The following GIPC2 variants were observed in gnomAD, a reference collection of about 807,000 sequenced individuals.
The protein encoded by GIPC2 is GIPC PDZ domain containing family member 2, also known as PDZ domain-containing protein GIPC2.
GIPC2 carries 30 observed loss-of-function variants against 30.6 expected under a neutral mutation model. The observed-to-expected ratio is 0.98, with a 90% confidence interval of 0.73 to 1.33. The LOEUF (loss-of-function observed/expected upper bound fraction) is 1.33, where lower values mean the gene tolerates loss of function less well. Among genes scored for constraint, GIPC2 ranks in the 40% most tolerant of loss-of-function variants. The pLI, the probability that GIPC2 is intolerant of heterozygous loss-of-function variation, is 0.00. For missense variants in GIPC2, 414 were observed against 390.3 expected (o/e 1.06, Z -0.51); for synonymous variants, 167 against 150.0 (o/e 1.11, Z -0.83).
intron 5 of GIPC2, among the ~76,000 whole-genome samples, chr1:78,133,267 A>G (rs888928851): frequency 6.6e-6 from 1 of 152,230 alleles, no homozygotes; most frequent in Non-Finnish European, 1.5e-5. Flanking sequence ...AAAAATACAC[A>G]GAAAAATAAA....
At chr1:78,079,590 TGTG>T (rs1661788082) in intron 1 of GIPC2, among the ~76,000 whole-genome samples, 3 of 152,204 alleles carry the variant, frequency 2.0e-5, no homozygotes, top group Non-Finnish European at 4.4e-5. Context: ...TTGCAATGCC[TGTG>T]GTGGACATTA....
At chr1:78,124,379 A>G (rs776268744) in intron 4 of GIPC2, among the ~76,000 whole-genome samples, 9 of 152,216 alleles carry the variant, frequency 5.9e-5, no homozygotes, top group Non-Finnish European at 1.0e-4. Flanking sequence ...TATAATCTAT[A>G]CAATATATTA....
chr1:78,122,780 A>C (rs79616077), intron 4 of GIPC2, among the ~76,000 whole-genome samples: 5,045 of 152,292 alleles, frequency 0.033, 211 homozygotes, highest in African/African-American at 0.098. Context: ...GTGCTTGCTG[A>C]GACAGGCACA....
At chr1:78,050,530 T>C (rs1300888696) in intron 1 of GIPC2, among the ~76,000 whole-genome samples, 1 of 151,044 alleles carries the variant, frequency 6.6e-6, no homozygotes, top group African/African-American at 2.4e-5. Context: ...AACAATTCAG[T>C]AAAAAGAAAA....
chr1:78,061,841 TC>T (rs1391618513), intron 1 of GIPC2, among the ~76,000 whole-genome samples: 1 of 152,210 alleles, frequency 6.6e-6, no homozygotes, highest in African/African-American at 2.4e-5. Flanking sequence ...GGTCTTGAAC[TC>T]CTGACCTCAG....
At chr1:78,130,083 C>A (rs1308765601) in intron 5 of GIPC2, among the ~76,000 whole-genome samples, 1 of 146,222 alleles carries the variant, frequency 6.8e-6, no homozygotes, top group Non-Finnish European at 1.5e-5. Flanking sequence ...AATTACATTT[C>A]TTCCTTTCTT....
At chr1:78,078,043 C>A (rs955091722) in intron 1 of GIPC2, among the ~76,000 whole-genome samples, 3 of 151,084 alleles carry the variant, frequency 2.0e-5, no homozygotes, top group Non-Finnish European at 2.9e-5. Context: ...AAAAAATTAG[C>A]CGGGCGTAGT....
At position 78,103,428 on chromosome 1, in the gene GIPC2, G is replaced by A. The variant is rs182798963; in HGVS notation, c.607+8296G>A. ...TATTTTGAGGATGAAATGAGTTAAT[G>A]TATGTATGTGCTTAGAACAGTGTTA... is the stretch of plus-strand genomic sequence containing the variant. On this transcript the variant is annotated intron_variant, in intron 3 of 5. Coordinates refer to ENST00000370759, the MANE Select transcript of GIPC2 (RefSeq NM_017655.6). 2.1e-3 allele frequency among the ~76,000 whole-genome samples: 314 copies of A among 152,282 alleles called. 4 individuals carry two copies. The highest frequency in any genetic ancestry group is 6.8e-3 in the African/African-American group (281 of 41,562).
At chr1:78,087,858 A>G (rs889839140) in intron 2 of GIPC2, among the ~76,000 whole-genome samples, 1 of 152,116 alleles carries the variant, frequency 6.6e-6, no homozygotes, top group Non-Finnish European at 1.5e-5. Flanking sequence ...TTTGCAAACT[A>G]TGTATCTGAT....
rs770688364 is a variant in GIPC2 at position 78,119,505 on chromosome 1, T to G, written c.714+6T>G. On this transcript the variant is annotated splice_donor_region_variant and intron_variant, in intron 4 of 5. Transcript: ENST00000370759. ...CTGCCACCGTGGAAGAAATGGTATGTTATGTTCATTTACTTCCTGTTCTGC... is the reference window on the plus strand; with the variant it reads ...CTGCCACCGTGGAAGAAATGGTATGGTATGTTCATTTACTTCCTGTTCTGC... The G allele has an allele frequency of 3.1e-5, 47 of 1,508,226 alleles. No homozygotes were observed. In the Admixed American group the frequency reaches 6.9e-4, roughly 22 times the overall value. The allele number at this position is 1,508,226 out of a possible 1,614,324, so 93.4% of individuals were successfully genotyped here. A position where few individuals can be genotyped will look rare whatever the true frequency, so the allele number is the denominator to read the frequency against.
chr1:78,113,070 C>T, intron 3 of GIPC2, among the ~76,000 whole-genome samples: 1 of 152,020 alleles, frequency 6.6e-6, no homozygotes, highest in Admixed American at 6.5e-5. Flanking sequence ...CAGAAAGTTC[C>T]CATTTCTATG....
chr1:78,091,084 C>G (rs1224917778), intron 2 of GIPC2, among the ~76,000 whole-genome samples: 1 of 152,114 alleles, frequency 6.6e-6, no homozygotes, highest in Non-Finnish European at 1.5e-5. Context: ...TTTTTAAAAA[C>G]ATTTTTAATT....
At chr1:78,055,294 A>G (rs1306302415) in intron 1 of GIPC2, among the ~76,000 whole-genome samples, 1 of 152,082 alleles carries the variant, frequency 6.6e-6, no homozygotes, top group African/African-American at 2.4e-5. Flanking sequence ...CCACCTCCAA[A>G]TACCGTCACC....
intron 5 of GIPC2, among the ~76,000 whole-genome samples, chr1:78,128,187 G>T (rs1662818342): frequency 6.6e-6 from 1 of 151,988 alleles, no homozygotes; most frequent in Non-Finnish European, 1.5e-5. Flanking sequence ...CCTTTTGCCT[G>T]GCTAATTTTT....
chr1:78,117,771 G>T (rs7367922), intron 3 of GIPC2, among the ~76,000 whole-genome samples: 3 of 152,114 alleles, frequency 2.0e-5, no homozygotes, highest in African/African-American at 7.2e-5. Flanking sequence ...ATTTGCAGAG[G>T]TTATAAATTA....
At chr1:78,067,496 G>T (rs1557530650) in intron 1 of GIPC2, among the ~76,000 whole-genome samples, 1 of 151,826 alleles carries the variant, frequency 6.6e-6, no homozygotes, top group African/African-American at 2.4e-5. Context: ...CTGTTACCCA[G>T]GCTGAAGTGT....
chr1:78,067,717 C>G (rs1661545898), intron 1 of GIPC2, among the ~76,000 whole-genome samples: 1 of 152,170 alleles, frequency 6.6e-6, no homozygotes, highest in Non-Finnish European at 1.5e-5. Flanking sequence ...TCCCAAAGTG[C>G]TGGGATTATA....
At chr1:78,096,292 A>G (rs935328816) in intron 3 of GIPC2, among the ~76,000 whole-genome samples, 5 of 152,352 alleles carry the variant, frequency 3.3e-5, no homozygotes, top group South Asian at 4.1e-4. Context: ...ACTCCTTTCA[A>G]GATGGCTTCA....
intron 1 of GIPC2, among the ~76,000 whole-genome samples, chr1:78,071,898 A>G (rs900335531): frequency 5.3e-5 from 8 of 152,152 alleles, no homozygotes; most frequent in Admixed American, 4.6e-4. Flanking sequence ...GCATATTGAT[A>G]CTTGTCTTCA....
Sources: allele counts gnomAD v4.1 joint callset (sites outside exome capture counted in the v4.1 genomes callset), GRCh38; gene constraint gnomAD v4.1.1; transcripts MANE v1.5; gene names NCBI Gene and HGNC (gene_info 2026-07-23, HGNC 2026-07-21).